ROBO1: variants seen among roughly 807,000 people sequenced by gnomAD.
ROBO1 encodes the protein roundabout guidance receptor 1, also known as roundabout homolog 1.
ROBO1 carries 149 observed loss-of-function variants against 195.9 expected under a neutral mutation model. That is an observed-to-expected ratio of 0.76 (90% CI 0.67 to 0.87). The LOEUF is 0.87. ROBO1 is among the 40% of genes least tolerant of loss of function. The pLI, the probability that ROBO1 is intolerant of heterozygous loss-of-function variation, is 0.00. For synonymous variants in ROBO1, 816 were observed against 733.2 expected, an observed-to-expected ratio of 1.11 and a Z score of -1.82; for missense variants, 1,933 against 2,068.3, an observed-to-expected ratio of 0.93 and a Z score of 1.27.
intron 2 of ROBO1, among the ~76,000 whole-genome samples, chr3:79,264,515 T>A (rs1410817617): frequency 6.6e-6 from 1 of 151,930 alleles, no homozygotes; most frequent in African/African-American, 2.4e-5. Context: ...CTTATTACAT[T>A]TCAAGGTTCC....
At chr3:79,718,387 T>C (rs1240313199) in intron 1 of ROBO1, among the ~76,000 whole-genome samples, 2 of 151,996 alleles carry the variant, frequency 1.3e-5, no homozygotes, top group African/African-American at 4.8e-5. Context: ...TCTAGCTTTA[T>C]GACATTTTTT....
At chr3:79,427,429 A>G (rs1458929884) in intron 2 of ROBO1, among the ~76,000 whole-genome samples, 2 of 152,210 alleles carry the variant, frequency 1.3e-5, no homozygotes, top group Admixed American at 6.5e-5. Context: ...AGGCAGGAGA[A>G]CGTTGTGTTT....
intron 28 of ROBO1, among the ~76,000 whole-genome samples, chr3:78,612,404 G>A (rs776741993): frequency 1.1e-4 from 16 of 151,958 alleles, no homozygotes; most frequent in Non-Finnish European, 1.8e-4. Flanking sequence ...AATTGTGTCT[G>A]CCATTGAGCT....
At chr3:79,012,414 C>A (rs1438252715) in intron 3 of ROBO1, among the ~76,000 whole-genome samples, 1 of 152,176 alleles carries the variant, frequency 6.6e-6, no homozygotes, top group East Asian at 1.9e-4. Flanking sequence ...ACTATTTAGT[C>A]TCATCTTGTG....
intron 2 of ROBO1, among the ~76,000 whole-genome samples, chr3:79,446,064 C>G (rs2039243877): frequency 6.6e-6 from 1 of 152,158 alleles, no homozygotes; most frequent in Admixed American, 6.5e-5. Flanking sequence ...TCCCCTTGTG[C>G]TAGGATTACA....
chr3:78,619,482 CAT>C (rs1704322778), intron 26 of ROBO1, among the ~76,000 whole-genome samples: 1 of 151,622 alleles, frequency 6.6e-6, no homozygotes, highest in East Asian at 2.0e-4. Flanking sequence ...TTATGATACT[CAT>C]AGAGTAAGAT....
At chr3:79,476,378 T>G (rs1488751934) in intron 2 of ROBO1, among the ~76,000 whole-genome samples, 3 of 152,100 alleles carry the variant, frequency 2.0e-5, no homozygotes, top group African/African-American at 4.8e-5. Context: ...TCCAGCAGTC[T>G]CATTATCCGA....
chr3:78,757,480 C>T (rs989178794), intron 4 of ROBO1, among the ~76,000 whole-genome samples: 6 of 151,978 alleles, frequency 3.9e-5, no homozygotes, highest in Non-Finnish European at 5.9e-5. Flanking sequence ...CTTCTTTACC[C>T]TCTCAAGCCC....
intron 1 of ROBO1, among the ~76,000 whole-genome samples, chr3:79,610,997 C>T (rs533522392): frequency 1.3e-5 from 2 of 152,096 alleles, no homozygotes; most frequent in African/African-American, 4.8e-5. Flanking sequence ...TTATTATAAT[C>T]TCTTTAGCAC....
intron 4 of ROBO1, among the ~76,000 whole-genome samples, chr3:78,882,111 G>C (rs1284394672): frequency 1.3e-5 from 2 of 151,812 alleles, no homozygotes; most frequent in African/African-American, 4.8e-5. Context: ...TTATTTTAAA[G>C]TTCCAAAATT....
intron 4 of ROBO1, among the ~76,000 whole-genome samples, chr3:78,846,286 G>T (rs141675001): frequency 2.6e-5 from 4 of 152,106 alleles, no homozygotes; most frequent in South Asian, 2.1e-4. Flanking sequence ...CTTGTCCAGA[G>T]GTATTCTTGG....
At chr3:79,373,765 G>T (rs1243281246) in intron 2 of ROBO1, among the ~76,000 whole-genome samples, 2 of 152,164 alleles carry the variant, frequency 1.3e-5, no homozygotes, top group African/African-American at 4.8e-5. Flanking sequence ...TCTTGGATAT[G>T]AAGCCAAAAG....
At position 78,942,846 on chromosome 3, in the gene ROBO1, T is replaced by G. The variant is rs192098710; in HGVS notation, c.173-3919A>C. On this transcript the variant is annotated intron_variant, in intron 3 of 30. Transcript: ENST00000464233. The stretch of plus-strand genomic sequence containing the variant: ...CACTTGAGCCCATGAGGCTGCAGTG[T>G]GCTATGATCACACCTGTGAATAGCC... Among the ~76,000 whole-genome samples, 164 of 152,144 alleles carry G rather than the reference T, an allele frequency of 1.1e-3. 4 individuals are homozygous for G. Among genetic ancestry groups the G allele is most frequent in the Admixed American group, 3.1e-3 (48 of 15,294 alleles).
intron 2 of ROBO1, among the ~76,000 whole-genome samples, chr3:79,296,778 AG>A (rs1221822355): frequency 6.6e-6 from 1 of 152,210 alleles, no homozygotes; most frequent in Non-Finnish European, 1.5e-5. Flanking sequence ...ACCCGTGATA[AG>A]TGCAGAAATT....
At chr3:78,673,629 T>TA (rs1708230380) in intron 10 of ROBO1, among the ~76,000 whole-genome samples, 1 of 132,512 alleles carries the variant, frequency 7.5e-6, no homozygotes, top group Admixed American at 8.1e-5. Context: ...ACAGCAGGGT[T>TA]ATAAAAGTTT....
chr3:79,503,076 T>C (rs1363498809), intron 2 of ROBO1, among the ~76,000 whole-genome samples: 2 of 152,160 alleles, frequency 1.3e-5, no homozygotes, highest in Non-Finnish European at 2.9e-5. Flanking sequence ...AAAGCTTTGT[T>C]CTTTAGCTCT....
At chr3:78,640,017 T>G (rs1227060643) in intron 21 of ROBO1, 119 bp from the exon 22 acceptor site, 1 of 839,022 alleles carries the variant, frequency 1.2e-6, no homozygotes, top group Non-Finnish European at 1.8e-6. Flanking sequence ...TGAACTATGC[T>G]GAATGACATT....
At chr3:78,902,735 C>G (rs2037661305) in intron 4 of ROBO1, among the ~76,000 whole-genome samples, 2 of 151,976 alleles carry the variant, frequency 1.3e-5, no homozygotes, top group South Asian at 4.1e-4. Context: ...CCCAGCTACT[C>G]GGAAGGCTTG....
chr3:78,774,370 G>A (rs1453936191), intron 4 of ROBO1, among the ~76,000 whole-genome samples: 1 of 151,864 alleles, frequency 6.6e-6, no homozygotes, highest in East Asian at 1.9e-4. Context: ...GAGGGCAGTG[G>A]CCGGATCTCG....
Sources: allele counts gnomAD v4.1 joint callset (sites outside exome capture counted in the v4.1 genomes callset), GRCh38; gene constraint gnomAD v4.1.1; transcripts MANE v1.5; gene names NCBI Gene and HGNC (gene_info 2026-07-23, HGNC 2026-07-21).